MTSS1: variants seen among roughly 807,000 people sequenced by gnomAD.
MTSS1 encodes protein MTSS 1.
Under a neutral mutation model 79.0 loss-of-function variants are expected in MTSS1, and 18 were observed. That is an observed-to-expected ratio of 0.23 (90% CI 0.16 to 0.34). The LOEUF is 0.34. Among genes scored for constraint, MTSS1 ranks in the 10% least tolerant of loss-of-function variants. The pLI is 1.00. For missense variants in MTSS1, 815 were observed against 986.2 expected (o/e 0.83, Z 2.33); for synonymous variants, 341 against 368.6 (o/e 0.93, Z 0.86).
rs762357161 is a variant in MTSS1 at position 124,553,417 on chromosome 8, C to T, written c.1843G>A (p.Val615Met). Residue 615 changes from valine (V) to methionine (M), a missense_variant, in exon 14 of 14, where the codon GTG (valine) becomes ATG (methionine). Physicochemically the swap from Val to Met is conservative, Grantham distance 21. Around this residue, in one of 2 missense-constraint regions of MTSS1, gnomAD observed 590 missense variants for 620.8 expected, o/e 0.95. Coordinates refer to ENST00000518547, the MANE Select transcript of MTSS1 (RefSeq NM_014751.6). The surrounding 1 kb of genome is among the most constrained non-coding windows in gnomAD (Gnocchi z 6.0). ...ACGGTTGGGGTCTTGACAGGGATCACGGGTGTCTTGATGGGGATGGGACCA... is the reference window on the plus strand; with the variant it reads ...ACGGTTGGGGTCTTGACAGGGATCATGGGTGTCTTGATGGGGATGGGACCA... ...GAGPIPIKTP[V>M]IPVKTPTVPD... The T allele has an allele frequency of 6.2e-6, 10 of 1,607,158 alleles. No individual in the cohort carries two copies. Among genetic ancestry groups the T allele is most frequent in the Middle Eastern group, 1.7e-4 (1 of 6,056 alleles).
At position 124,553,267 on chromosome 8, in the gene MTSS1, A is replaced by C. The variant is rs201125981; in HGVS notation, c.1993T>G (p.Trp665Gly). ...QGVTSMPSSM[W>G]SGQASVNPPL... ...GGGTTAACGGAAGCTTGGCCGCTCCACATTGAGGAGGGCATGCTGGTGACA... is the reference window on the plus strand; with the variant it reads ...GGGTTAACGGAAGCTTGGCCGCTCCCCATTGAGGAGGGCATGCTGGTGACA... The change falls in exon 14 of 14, where the codon TGG (tryptophan) becomes GGG (glycine). Residue 665 changes from tryptophan to glycine, a missense_variant. This residue lies in a region of MTSS1 where 590 missense variants were observed against 620.8 expected (regional missense o/e 0.95). Transcript: ENST00000518547. The surrounding 1 kb of genome is among the most constrained non-coding windows in gnomAD (Gnocchi z 6.0). 1.5e-5 allele frequency: 24 copies of C among 1,614,174 alleles called. No individual in the cohort carries two copies. The East Asian group carries it at 5.1e-4, about 34-fold the overall frequency.
rs1826541289 is a variant in MTSS1, at chr8:124,683,945, A to G, written c.208+15581T>C. On this transcript the variant is annotated intron_variant, in intron 3 of 13. Transcript: ENST00000518547. The surrounding 1 kb of genome is among the most constrained non-coding windows in gnomAD (Gnocchi z 4.5). Reference sequence around the variant, plus strand: ...GGAGACCGAAAAAGTGACCTGGGCCATAGGATTCTCAAATACTGATCATCT... The same window carrying G: ...GGAGACCGAAAAAGTGACCTGGGCCGTAGGATTCTCAAATACTGATCATCT... Among the ~76,000 whole-genome samples the G allele has an allele frequency of 6.6e-6, 1 of 152,194 alleles. No homozygotes were observed. The highest frequency in any genetic ancestry group is 2.1e-4 in the South Asian group (1 of 4,830).
intron 1 of MTSS1, among the ~76,000 whole-genome samples, chr8:124,718,295 G>A (rs1832401718): frequency 6.6e-6 from 1 of 150,462 alleles, no homozygotes. Flanking sequence ...CCTCCTCAGT[G>A]ACTTAATTAG....
intron 3 of MTSS1, among the ~76,000 whole-genome samples, chr8:124,669,162 T>C (rs1823662360): frequency 6.6e-6 from 1 of 152,218 alleles, no homozygotes; most frequent in Admixed American, 6.5e-5. Flanking sequence ...CAGAAAAGCA[T>C]GATCACATGG....
intron 1 of MTSS1, among the ~76,000 whole-genome samples, chr8:124,725,924 G>C (rs1833627133): frequency 6.6e-6 from 1 of 151,860 alleles, no homozygotes; most frequent in Non-Finnish European, 1.5e-5. Context: ...AGAACCCAAG[G>C]CATGTTTTAG....
rs1257482251 is a variant in MTSS1 at position 124,597,490 on chromosome 8, C to T, written c.209-6255G>A. ...CAAAGTTTCCTTGCCCCCTAAAGTCCGAAGTCAGATTGCCCCTTGCTGCAG... is the reference window on the plus strand; with the variant it reads ...CAAAGTTTCCTTGCCCCCTAAAGTCTGAAGTCAGATTGCCCCTTGCTGCAG... On this transcript the variant is annotated intron_variant, in intron 3 of 13. Transcript: ENST00000518547. The surrounding 1 kb of genome is among the most constrained non-coding windows in gnomAD (Gnocchi z 4.6). Among the ~76,000 whole-genome samples the T allele has an allele frequency of 6.6e-6, 1 of 152,170 alleles. No homozygotes were observed. The highest frequency in any genetic ancestry group is 2.4e-5 in the African/African-American group (1 of 41,434).
At chr8:124,670,319 T>C (rs1823890929) in intron 3 of MTSS1, among the ~76,000 whole-genome samples, 2 of 151,814 alleles carry the variant, frequency 1.3e-5, no homozygotes, top group Admixed American at 1.3e-4. Context: ...TTGGCCAATA[T>C]GGTTGAACAA....
intron 9 of MTSS1, 152 bp from the exon 10 acceptor site, chr8:124,563,144 C>G (rs1227169637): frequency 2.9e-6 from 2 of 680,726 alleles, no homozygotes; most frequent in Non-Finnish European, 4.9e-6. Context: ...AGATGCAGTG[C>G]AAACCACAAA....
At chr8:124,664,259 G>A (rs544403735) in intron 3 of MTSS1, among the ~76,000 whole-genome samples, 170 of 152,296 alleles carry the variant, frequency 1.1e-3, no homozygotes, top group Admixed American at 3.3e-3. Context: ...TCATGGGGCA[G>A]CCAAGCCAAT....
At chr8:124,704,651 T>G (rs1303131357) in intron 1 of MTSS1, among the ~76,000 whole-genome samples, 1 of 152,150 alleles carries the variant, frequency 6.6e-6, no homozygotes, top group Non-Finnish European at 1.5e-5. Flanking sequence ...ATCTCAAGAT[T>G]GAAAAATTAC....
At chr8:124,568,217 A>C (rs953276272) in intron 7 of MTSS1, 162 bp downstream of exon 7, 2 of 789,544 alleles carry the variant, frequency 2.5e-6, no homozygotes, top group Admixed American at 5.8e-5. Flanking sequence ...AGTGAGCTAC[A>C]TGGCCATCAA....
At chr8:124,568,908 A>T (rs989887890) in intron 6 of MTSS1, 1 of 1,362,490 alleles carries the variant, frequency 7.3e-7, no homozygotes, top group Admixed American at 3.1e-5. Flanking sequence ...AGAGATGTGG[A>T]AACAAGGTAA....
chr8:124,704,009 A>G (rs7017670), intron 2 of MTSS1, 121 bp downstream of exon 2: 11,008 of 828,474 alleles, frequency 0.013, 101 homozygotes, highest in Non-Finnish European at 0.019. Context: ...AACCCAGCAC[A>G]GGCTTCCCTA....
chr8:124,658,280 C>T lies in MTSS1; in HGVS notation c.208+41246G>A, dbSNP rs535089202. ...GGTGGTTTCCCCTATACTGTTATCA[C>T]GATAGTGAATAAGACTCATGAGGTC... is the stretch of plus-strand genomic sequence containing the variant. On this transcript the variant is annotated intron_variant, in intron 3 of 13. Transcript: ENST00000518547. 1.3e-4 allele frequency among the ~76,000 whole-genome samples: 20 copies of T among 152,214 alleles called. 1 individual carries two copies. The South Asian group carries it at 3.5e-3, about 27-fold the overall frequency.
At position 124,551,730 on chromosome 8, in the gene MTSS1, C is replaced by T. The variant is rs1822552138; in HGVS notation, c.*1262G>A. The stretch of plus-strand genomic sequence containing the variant: ...AAATTTAACTTCCACTTAGAAAAGA[C>T]AAATCTTTTCCAAAAAACATTTACC... On this transcript the variant is annotated 3_prime_UTR_variant, in exon 14 of 14. Transcript: ENST00000518547. The T allele has an allele frequency of 6.8e-6, 1 of 147,554 alleles. No individual in the cohort carries two copies. The highest frequency in any genetic ancestry group is 6.6e-5 in the Admixed American group (1 of 15,062). 9.1% of individuals were successfully genotyped at this position (147,554 alleles called of 1,614,324 possible).
In MTSS1 at chr8:124,556,364, G is replaced by A. The variant is rs752374662; in HGVS notation, c.1272C>T (p.Asn424=). The change falls in exon 12 of 14, where the codon AAC becomes AAT. Residue 424 remains asparagine (N), a synonymous_variant. Transcript: ENST00000518547. ...GCTTCTCTTTGCGGCGCTGCAGGGTGTTCACCAGAGGCTGGTCATAGGGCC... is the reference window on the plus strand; with the variant it reads ...GCTTCTCTTTGCGGCGCTGCAGGGTATTCACCAGAGGCTGGTCATAGGGCC... ...KPGPYDQPLV[N]TLQRRKEKRE... is the part of the protein sequence containing the mutation. 6.8e-6 allele frequency: 11 copies of A among 1,614,116 alleles called. No individual in the cohort carries two copies. Among genetic ancestry groups the A allele is most frequent in the Non-Finnish European group, 7.6e-6 (9 of 1,179,990 alleles).
intron 3 of MTSS1, among the ~76,000 whole-genome samples, chr8:124,594,081 C>T (rs3857947): frequency 0.44 from 66,343 of 152,002 alleles, 14,901 homozygotes; most frequent in East Asian, 0.72. Context: ...GCCTCAGTTT[C>T]CTCAAGATAG....
chr8:124,612,707 C>A, intron 3 of MTSS1, among the ~76,000 whole-genome samples: 1 of 150,674 alleles, frequency 6.6e-6, no homozygotes, highest in Non-Finnish European at 1.5e-5. Context: ...GGACAGATTT[C>A]ATCACCAGGC....
At chr8:124,689,226 G>A (rs1402041293) in intron 3 of MTSS1, among the ~76,000 whole-genome samples, 1 of 152,160 alleles carries the variant, frequency 6.6e-6, no homozygotes, top group East Asian at 1.9e-4. Context: ...TTCACATTTT[G>A]TGCGTGTTTT....
Sources: allele counts gnomAD v4.1 joint callset (sites outside exome capture counted in the v4.1 genomes callset), GRCh38; gene constraint gnomAD v4.1.1; regional missense constraint gnomAD v4.1.1; non-coding constraint Gnocchi (gnomAD v3.1); transcripts MANE v1.5; gene names NCBI Gene and HGNC (gene_info 2026-07-23, HGNC 2026-07-21).